CAPG: variants seen among roughly 807,000 people sequenced by gnomAD.
The protein encoded by CAPG is capping actin protein, gelsolin like.
In CAPG, 32 loss-of-function variants were observed where a neutral mutation model predicts 44.6. The observed-to-expected ratio is 0.72, with a 90% confidence interval of 0.54 to 0.96. The LOEUF is 0.96. Ranked by LOEUF, CAPG falls within the 50% of genes least tolerant of loss-of-function variation. The pLI is 0.00. For missense variants in CAPG, 412 were observed against 438.3 expected, an observed-to-expected ratio of 0.94 and a Z score of 0.54; for synonymous variants, 175 against 179.6, an observed-to-expected ratio of 0.97 and a Z score of 0.20.
intron 8 of CAPG, among the ~76,000 whole-genome samples, chr2:85,397,171 A>AGGGG (rs1385031027): frequency 6.6e-6 from 1 of 152,218 alleles, no homozygotes; most frequent in Non-Finnish European, 1.5e-5. Flanking sequence ...TCCCAGGATC[A>AGGGG]GGGGTCCCAG....
chr2:85,404,225 ATC>A (rs1687040822), intron 1 of CAPG, among the ~76,000 whole-genome samples: 2 of 151,668 alleles, frequency 1.3e-5, no homozygotes, highest in Non-Finnish European at 2.9e-5. Flanking sequence ...TGCAATTATT[ATC>A]TGTCAATTAT....
At chr2:85,398,563 C>T in intron 7 of CAPG, 127 bp downstream of exon 7, 2 of 766,010 alleles carry the variant, frequency 2.6e-6, no homozygotes, top group East Asian at 2.7e-5. Context: ...AACTCCCCAC[C>T]TCCCACCTCG....
At position 85,401,923 on chromosome 2, in the gene CAPG, C is replaced by A; in HGVS notation, c.58G>T (p.Gly20Cys). Residue 20 changes from glycine to cysteine, a missense_variant, in exon 3 of 10, where the codon GGC (glycine) becomes TGC (cysteine). Coordinates refer to ENST00000263867, the MANE Select transcript of CAPG (RefSeq NM_001747.4). ...SPFPGSVQDPGLHVWRVEKLK... is the reference protein window; with the variant it reads ...SPFPGSVQDPCLHVWRVEKLK... ...TTCTCCACCCGCCACACATGCAGGC[C>A]TGGATCCTGCACTGAGCCTGGGAAT... The A allele has an allele frequency of 6.2e-7, 1 of 1,614,074 alleles. No homozygotes were observed. Among genetic ancestry groups the A allele is most frequent in the South Asian group, 1.1e-5 (1 of 91,078 alleles).
intron 1 of CAPG, among the ~76,000 whole-genome samples, chr2:85,408,338 TCACA>T (rs71390065): frequency 0.32 from 41,951 of 129,338 alleles, 6,715 homozygotes; most frequent in Admixed American, 0.44. Flanking sequence ...GAAGAATCTG[TCACA>T]CACACACACA....
intron 1 of CAPG, among the ~76,000 whole-genome samples, 195 bp from the exon 2 acceptor site, chr2:85,402,353 T>C (rs1486720132): frequency 5.3e-5 from 8 of 151,864 alleles, no homozygotes; most frequent in Non-Finnish European, 8.8e-5. Context: ...AGCTAGTGAG[T>C]GGTTCATGGA....
downstream of CAPG, among the ~76,000 whole-genome samples, chr2:85,392,277 CT>C (rs1296703551): frequency 1.3e-5 from 2 of 151,972 alleles, no homozygotes; most frequent in African/African-American, 4.8e-5. Context: ...GTAGTCCCAG[CT>C]ACTCAAGAGG....
At position 85,395,013 on chromosome 2, in the gene CAPG, G is replaced by T; in HGVS notation, c.982-55C>A. 7.9e-7 allele frequency: 1 copy of T among 1,269,030 alleles called. No individual in the cohort carries two copies. The allele number at this position is 1,269,030 out of a possible 1,614,324, so 78.6% of individuals were successfully genotyped here. The stretch of plus-strand genomic sequence containing the variant: ...TCACAAAGTTGCCACCTCTGCCTCT[G>T]CCCAGGAGGACAGGAGGGGGCCAGA... On this transcript the variant is annotated intron_variant, in intron 9 of 9. Transcript: ENST00000263867. This position sits in a 1 kb window ranked among gnomAD's most constrained non-coding sequence, Gnocchi z 4.3.
Position 85,395,891 on chromosome 2 carries a change from C to T in CAPG, c.893-265G>A. 1 of 453,452 alleles carries T rather than the reference C, an allele frequency of 2.2e-6. No individual in the cohort carries two copies. The highest frequency in any genetic ancestry group is 4.0e-6 in the Non-Finnish European group (1 of 248,300). 28.1% of individuals were successfully genotyped at this position (453,452 alleles called of 1,614,324 possible). On this transcript the variant is annotated intron_variant, in intron 8 of 9. Transcript: ENST00000263867. The surrounding 1 kb of genome is among the most constrained non-coding windows in gnomAD (Gnocchi z 4.3). The stretch of plus-strand genomic sequence containing the variant: ...TGCAAAACTCTGCTCTGACCTGGGC[C>T]CCTGGAATATTTCAGGGAGGGGAAC...
chr2:85,412,124 C>T (rs1442061813), upstream of CAPG, among the ~76,000 whole-genome samples: 1 of 151,824 alleles, frequency 6.6e-6, no homozygotes, highest in Non-Finnish European at 1.5e-5. Flanking sequence ...TAAAATTTCA[C>T]TAGAGCAAGA....
chr2:85,399,366 C>CCCTCTCT (rs927801851), intron 5 of CAPG, 81 bp from the exon 6 acceptor site: 94 of 1,424,874 alleles, frequency 6.6e-5, no homozygotes, highest in Non-Finnish European at 8.1e-5. Context: ...GCACAGCTCT[C>CCCTCTCT]CCTCTCTCCT....
At chr2:85,415,659 A>T (rs566195548) in intron 1 of CAPG, among the ~76,000 whole-genome samples, 5 of 152,060 alleles carry the variant, frequency 3.3e-5, no homozygotes, top group East Asian at 1.9e-4. Context: ...ACTCAAAAAA[A>T]TTTTTACTGA....
chr2:85,393,595 G>C (rs116432424), downstream of CAPG, among the ~76,000 whole-genome samples: 180 of 149,948 alleles, frequency 1.2e-3, 1 homozygote, highest in African/African-American at 4.1e-3. Flanking sequence ...TTGAGTCGGA[G>C]TCTCTGTCAC....
At position 85,395,491 on chromosome 2, in the gene CAPG, C is replaced by T. The variant is rs373297850; in HGVS notation, c.981+47G>A. Reference sequence around the variant, plus strand: ...GGCCAATTTGAGGGGTCAGGGGCCACAGGAAGAGCCCTAGGAAGAGGGCTG... The same window carrying T: ...GGCCAATTTGAGGGGTCAGGGGCCATAGGAAGAGCCCTAGGAAGAGGGCTG... On this transcript the variant is annotated intron_variant, in intron 9 of 9. Coordinates refer to ENST00000263867, the MANE Select transcript of CAPG (RefSeq NM_001747.4). The surrounding 1 kb of genome is among the most constrained non-coding windows in gnomAD (Gnocchi z 4.3). The T allele has an allele frequency of 2.0e-6, 3 of 1,525,318 alleles. No individual in the cohort carries two copies. The highest frequency in any genetic ancestry group is 1.1e-5 in the South Asian group (1 of 87,626). 94.5% of individuals were successfully genotyped at this position (1,525,318 alleles called of 1,614,324 possible).
At chr2:85,403,087 C>T (rs565769387) in intron 1 of CAPG, among the ~76,000 whole-genome samples, 5 of 151,536 alleles carry the variant, frequency 3.3e-5, no homozygotes, top group Admixed American at 2.0e-4. Context: ...TTTTTTAAAC[C>T]GATAAAATTG....
intron 5 of CAPG, among the ~76,000 whole-genome samples, chr2:85,399,852 C>T (rs953241991): frequency 5.3e-5 from 8 of 151,734 alleles, no homozygotes; most frequent in Non-Finnish European, 1.2e-4. Flanking sequence ...AGAGATCCTC[C>T]TGCATCAGCC....
chr2:85,418,009 C>G (rs1687604878), intron 1 of CAPG, among the ~76,000 whole-genome samples: 1 of 152,188 alleles, frequency 6.6e-6, no homozygotes, highest in African/African-American at 2.4e-5. Context: ...GACTTCCTCC[C>G]TCCCTGGGCT....
downstream of CAPG, among the ~76,000 whole-genome samples, chr2:85,392,803 G>A (rs1249674474): frequency 4.6e-5 from 7 of 152,126 alleles, no homozygotes; most frequent in Non-Finnish European, 5.9e-5. Flanking sequence ...TGAATTGCAG[G>A]GGAGAAAAGC....
chr2:85,405,410 T>C (rs1216896082), intron 1 of CAPG, among the ~76,000 whole-genome samples: 2 of 152,158 alleles, frequency 1.3e-5, no homozygotes, highest in East Asian at 3.9e-4. Flanking sequence ...GGACAGAGTT[T>C]GTGTAAGATG....
chr2:85,402,108 G>A lies in CAPG; in HGVS notation c.23+15C>T. 1 of 1,610,262 alleles carries A rather than the reference G, an allele frequency of 6.2e-7. No individual in the cohort carries two copies. Among genetic ancestry groups the A allele is most frequent in the Non-Finnish European group, 8.5e-7 (1 of 1,177,942 alleles). On this transcript the variant is annotated intron_variant, in intron 2 of 9. Transcript: ENST00000263867. The stretch of plus-strand genomic sequence containing the variant: ...GAAGGGGAAGTTGTGAAAGGAGATG[G>A]GGCATGCAGCTTACCTCTGGGGAAT...
Sources: gnomAD v4.1 joint callset for allele counts (sites outside exome capture counted in the v4.1 genomes callset) on GRCh38, gnomAD v4.1.1 for gene constraint, Gnocchi (gnomAD v3.1) non-coding constraint, MANE v1.5 for transcripts, NCBI Gene and HGNC (gene_info 2026-07-23, HGNC 2026-07-21) for gene names.